The following SLC39A8 variants were observed in gnomAD, a reference collection of about 807,000 sequenced individuals.
The protein encoded by SLC39A8 is metal cation symporter ZIP8.
In SLC39A8, 15 loss-of-function variants were observed where a neutral mutation model predicts 40.4. The ratio of observed to expected loss-of-function variants is 0.37; its 90% CI spans 0.25 to 0.57. The LOEUF (loss-of-function observed/expected upper bound fraction) is 0.57. SLC39A8 is among the 20% of genes least tolerant of loss of function. SLC39A8 has a pLI of 0.75. For missense variants in SLC39A8, 472 were observed against 558.8 expected, an observed-to-expected ratio of 0.84 and a Z score of 1.57; for synonymous variants, 223 against 221.6, an observed-to-expected ratio of 1.01 and a Z score of -0.06.
chr4:102,283,519 G>T (rs957522203), intron 6 of SLC39A8, among the ~76,000 whole-genome samples: 2 of 151,556 alleles, frequency 1.3e-5, no homozygotes, highest in African/African-American at 4.8e-5. Flanking sequence ...GAACTAATGT[G>T]CTGAGGTGTT....
At chr4:102,270,443 A>G (rs1732300380) in intron 6 of SLC39A8, among the ~76,000 whole-genome samples, 1 of 152,186 alleles carries the variant, frequency 6.6e-6, no homozygotes, top group Admixed American at 6.5e-5. Context: ...TTTTTAATTC[A>G]CCTAGAATTA....
At chr4:102,286,968 C>T (rs529454049) in intron 6 of SLC39A8, among the ~76,000 whole-genome samples, 1 of 152,222 alleles carries the variant, frequency 6.6e-6, no homozygotes, top group South Asian at 2.1e-4. Context: ...AGAAGGGGAC[C>T]TCAGCATAGT....
chr4:102,277,638 T>A lies in SLC39A8; in HGVS notation c.841-9559A>T, dbSNP rs187797880. Among the ~76,000 whole-genome samples the A allele has an allele frequency of 1.8e-3, 273 of 152,260 alleles. 2 individuals carry two copies. Among genetic ancestry groups the A allele is most frequent in the Non-Finnish European group, 3.3e-3 (227 of 68,020 alleles). On this transcript the variant is annotated intron_variant, in intron 6 of 8. Coordinates refer to ENST00000356736, the MANE Select transcript of SLC39A8 (RefSeq NM_001135146.2). The stretch of plus-strand genomic sequence containing the variant: ...TCAAAGAATTAGAAAAAAACTACTT[T>A]AAATTTCTTATAGAACCAAAAAAGA...
chr4:102,268,687 A>G (rs1216344175), intron 6 of SLC39A8, among the ~76,000 whole-genome samples: 1 of 152,208 alleles, frequency 6.6e-6, no homozygotes, highest in Non-Finnish European at 1.5e-5. Context: ...CTGTAACAAT[A>G]TGGTCTCTAC....
intron 2 of SLC39A8, among the ~76,000 whole-genome samples, chr4:102,324,774 G>A (rs1273912325): frequency 6.6e-6 from 1 of 152,114 alleles, no homozygotes; most frequent in Non-Finnish European, 1.5e-5. Flanking sequence ...ATGGCAACTG[G>A]CCAAAGATCC....
At chr4:102,304,967 G>A (rs776584494) in intron 5 of SLC39A8, 22 bp downstream of exon 5, 16 of 1,577,762 alleles carry the variant, frequency 1.0e-5, no homozygotes, top group South Asian at 2.3e-5. Context: ...AATATTGGAT[G>A]TTTTAAATAA....
At chr4:102,314,280 T>A (rs1354465655) in intron 3 of SLC39A8, among the ~76,000 whole-genome samples, 2 of 151,988 alleles carry the variant, frequency 1.3e-5, no homozygotes, top group East Asian at 3.9e-4. Flanking sequence ...GTCCCCATCA[T>A]CCTGGCATCA....
intron 6 of SLC39A8, among the ~76,000 whole-genome samples, chr4:102,301,920 C>T (rs1451426057): frequency 1.3e-5 from 2 of 152,060 alleles, no homozygotes; most frequent in Non-Finnish European, 2.9e-5. Context: ...TGCCTATCAG[C>T]TCATTCTGAT....
chr4:102,290,306 A>C (rs1733369203), intron 6 of SLC39A8, among the ~76,000 whole-genome samples: 1 of 152,170 alleles, frequency 6.6e-6, no homozygotes, highest in African/African-American at 2.4e-5. Context: ...CATATCTTTT[A>C]TATTCACTGG....
rs561097170 is a variant in SLC39A8, at chr4:102,312,167, A to G, written c.382+3501T>C. On this transcript the variant is annotated intron_variant, in intron 3 of 8. Transcript: ENST00000356736. The stretch of plus-strand genomic sequence containing the variant: ...ACTAAAATAAAACAATCAAGATATC[A>G]CATCAAAAAGGCAATAGAGTGCCAA... Among the ~76,000 whole-genome samples the G allele has an allele frequency of 6.6e-5, 10 of 152,224 alleles. 1 individual carries two copies. The South Asian group carries it at 2.1e-3, about 32-fold the overall frequency.
At chr4:102,265,790 A>T (rs933942400) in intron 8 of SLC39A8, among the ~76,000 whole-genome samples, 1 of 152,168 alleles carries the variant, frequency 6.6e-6, no homozygotes, top group African/African-American at 2.4e-5. Flanking sequence ...CTCCAACTGA[A>T]TCAATCAGTG....
At chr4:102,288,835 A>C (rs1733298061) in intron 6 of SLC39A8, among the ~76,000 whole-genome samples, 1 of 152,142 alleles carries the variant, frequency 6.6e-6, no homozygotes, top group African/African-American at 2.4e-5. Flanking sequence ...AGGTAGCAGA[A>C]TTGGTTCATT....
chr4:102,292,990 T>C (rs554201584), intron 6 of SLC39A8, among the ~76,000 whole-genome samples: 1 of 152,050 alleles, frequency 6.6e-6, no homozygotes, highest in Admixed American at 6.6e-5. Flanking sequence ...TCTACCTGAC[T>C]CAAGTACTTT....
At chr4:102,275,125 T>A (rs893570390) in intron 6 of SLC39A8, among the ~76,000 whole-genome samples, 1 of 151,788 alleles carries the variant, frequency 6.6e-6, no homozygotes, top group South Asian at 2.1e-4. Flanking sequence ...TGTAAATGGG[T>A]TAAATGGCCC....
intron 2 of SLC39A8, among the ~76,000 whole-genome samples, chr4:102,320,461 TAC>T (rs1176494190): frequency 1.7e-4 from 16 of 93,334 alleles, no homozygotes; most frequent in East Asian, 4.7e-4. Context: ...AGAGTATATA[TAC>T]ATATGAGAAT....
At chr4:102,326,427 G>A (rs2149048306) in intron 2 of SLC39A8, among the ~76,000 whole-genome samples, 1 of 152,302 alleles carries the variant, frequency 6.6e-6, no homozygotes, top group South Asian at 2.1e-4. Context: ...CAGGCCTCGT[G>A]GCGGGCGCCT....
intron 5 of SLC39A8, 44 bp downstream of exon 5, chr4:102,304,945 T>C: frequency 6.5e-7 from 1 of 1,544,700 alleles, no homozygotes; most frequent in Non-Finnish European, 8.8e-7. Context: ...ATAAAGTAGC[T>C]TTAGGGGGTA....
In SLC39A8 at chr4:102,320,439, A is replaced by AGT. The variant is rs1359303761; in HGVS notation, c.220-4610_220-4609insAC. On this transcript the variant is annotated intron_variant, in intron 2 of 8. Transcript: ENST00000356736. ...ATATATGAGAATATATATATATGAG[A>AGT]ATATATATATGAGAGTATATATACA... is the stretch of plus-strand genomic sequence containing the variant. Among the ~76,000 whole-genome samples, 335 of 81,652 alleles carry AGT rather than the reference A, an allele frequency of 4.1e-3. 1 individual carries two copies. The highest frequency in any genetic ancestry group is 0.013 in the Middle Eastern group (1 of 76). The allele number at this position is 81,652 out of a possible 152,430, so 53.6% of individuals were successfully genotyped here.
chr4:102,307,553 G>A lies in SLC39A8; in HGVS notation c.435C>T (p.Leu145=), dbSNP rs765719878. Residue 145 remains leucine (L), a synonymous_variant, in exon 4 of 9, where the codon CTC becomes CTT. Transcript: ENST00000356736. ...SVTIINLASL[L]GLILTPLIKK... is the part of the protein sequence containing the mutation. ...TTATCAGTGGAGTCAAAATCAATCCGAGGAGAGATGCCAGATTAATAATCG... is the reference window on the plus strand; with the variant it reads ...TTATCAGTGGAGTCAAAATCAATCCAAGGAGAGATGCCAGATTAATAATCG... The A allele has an allele frequency of 5.0e-6, 8 of 1,613,412 alleles. No individual in the cohort carries two copies. Among genetic ancestry groups the A allele is most frequent in the South Asian group, 1.1e-5 (1 of 91,064 alleles).
Sources: gnomAD v4.1 joint callset for allele counts (sites outside exome capture counted in the v4.1 genomes callset) on GRCh38, gnomAD v4.1.1 for gene constraint, MANE v1.5 for transcripts, NCBI Gene and HGNC (gene_info 2026-07-23, HGNC 2026-07-21) for gene names.